The following NYAP2 variants were observed in gnomAD, a reference collection of about 807,000 sequenced individuals.
NYAP2 encodes neuronal tyrosine-phosphorylated phosphoinositide-3-kinase adaptor 2, also known as neuronal tyrosine-phosphorylated phosphoinositide-3-kinase adapter 2.
In NYAP2, 23 loss-of-function variants were observed where a neutral mutation model predicts 50.4. The observed-to-expected ratio is 0.46, with a 90% CI of 0.33 to 0.65. The LOEUF (loss-of-function observed/expected upper bound fraction) is 0.65. Ranked by LOEUF, NYAP2 falls within the 30% of genes least tolerant of loss-of-function variation. The pLI is 0.02. For missense variants in NYAP2, 885 were observed against 861.0 expected (o/e 1.03, Z -0.35); for synonymous variants, 394 against 365.2 (o/e 1.08, Z -0.90).
chr2:225,638,182 G>GTGTGTA (rs1457701020), intron 6 of NYAP2, among the ~76,000 whole-genome samples: 1 of 151,144 alleles, frequency 6.6e-6, no homozygotes, highest in Non-Finnish European at 1.5e-5. Context: ...GTGTGTGTGT[G>GTGTGTA]TGTGTGTGTG....
At chr2:225,616,953 T>C (rs1180062755) in intron 5 of NYAP2, among the ~76,000 whole-genome samples, 1 of 152,210 alleles carries the variant, frequency 6.6e-6, no homozygotes, top group East Asian at 1.9e-4. Context: ...TGTTCAGCAG[T>C]TGGAGTAGCA....
chr2:225,530,736 G>C (rs1691239699), intron 4 of NYAP2, among the ~76,000 whole-genome samples: 2 of 152,122 alleles, frequency 1.3e-5, no homozygotes, highest in Non-Finnish European at 2.9e-5. Context: ...ATATCACAGA[G>C]AGCCTTCAAA....
At chr2:225,590,312 G>A (rs1285570377) in intron 5 of NYAP2, among the ~76,000 whole-genome samples, 1 of 152,180 alleles carries the variant, frequency 6.6e-6, no homozygotes, top group East Asian at 1.9e-4. Flanking sequence ...ATTCTCCCAG[G>A]ATGTGACCTT....
At chr2:225,421,960 C>A (rs1364562151) in intron 3 of NYAP2, among the ~76,000 whole-genome samples, 2 of 151,884 alleles carry the variant, frequency 1.3e-5, no homozygotes, top group African/African-American at 4.8e-5. Flanking sequence ...TTGTTTTTTT[C>A]TTCTTCTTCT....
the NYAP2 span, among the ~76,000 whole-genome samples, chr2:225,690,450 C>T: frequency 6.6e-6 from 1 of 151,938 alleles, no homozygotes; most frequent in Admixed American, 6.6e-5. Context: ...GTAAAGTTGA[C>T]CCATACTTTC....
the NYAP2 span, among the ~76,000 whole-genome samples, chr2:225,686,134 T>C: frequency 0.33 from 50,238 of 151,984 alleles, 8,484 homozygotes; most frequent in East Asian, 0.42. Flanking sequence ...TCATTGTATG[T>C]CTGGTTATAG....
At chr2:225,416,223 A>T (rs965640939) in intron 3 of NYAP2, among the ~76,000 whole-genome samples, 2 of 152,200 alleles carry the variant, frequency 1.3e-5, no homozygotes, top group Non-Finnish European at 2.9e-5. Flanking sequence ...CCTCAAAGCT[A>T]AACAAGATAT....
At chr2:225,652,595 T>G (rs1181895325) in exon 7 of NYAP2, 1 of 152,208 alleles carries the variant, frequency 6.6e-6, no homozygotes, top group East Asian at 1.9e-4. Context: ...TGTTAAGTAT[T>G]ATAGGTGTTA....
At chr2:225,491,674 G>C (rs1055783038) in intron 3 of NYAP2, among the ~76,000 whole-genome samples, 3 of 152,126 alleles carry the variant, frequency 2.0e-5, no homozygotes, top group Non-Finnish European at 2.9e-5. Context: ...GGCTGGACTG[G>C]GGGTCTTTAC....
chr2:225,657,478 C>T (rs561445491), downstream of NYAP2, among the ~76,000 whole-genome samples: 5 of 151,694 alleles, frequency 3.3e-5, no homozygotes, highest in East Asian at 7.8e-4. Flanking sequence ...GGCTGCAAAG[C>T]TCCATCCTCA....
the NYAP2 span, among the ~76,000 whole-genome samples, chr2:225,686,672 G>A: frequency 2.2e-4 from 33 of 151,984 alleles, no homozygotes; most frequent in African/African-American, 7.7e-4. Flanking sequence ...ACCCATAGTG[G>A]GCAATGTATT....
the NYAP2 span, among the ~76,000 whole-genome samples, chr2:225,675,875 T>A: frequency 6.6e-6 from 1 of 152,198 alleles, no homozygotes; most frequent in African/African-American, 2.4e-5. Flanking sequence ...TGGTTTTGAC[T>A]TGCATTTCTC....
intron 4 of NYAP2, among the ~76,000 whole-genome samples, chr2:225,569,710 G>C (rs1692032266): frequency 6.6e-6 from 1 of 152,090 alleles, no homozygotes. Context: ...CCTCCTTATA[G>C]ATGAACAAAC....
chr2:225,662,048 T>G, the NYAP2 span, among the ~76,000 whole-genome samples: 1 of 152,218 alleles, frequency 6.6e-6, no homozygotes, highest in African/African-American at 2.4e-5. Flanking sequence ...ATTCTAAAAC[T>G]TATTTTCCTT....
At chr2:225,641,448 CACACACACACACACACACACAA>C (rs978239475) in intron 6 of NYAP2, among the ~76,000 whole-genome samples, 1 of 149,132 alleles carries the variant, frequency 6.7e-6, no homozygotes, top group African/African-American at 2.5e-5. Flanking sequence ...CACACACACA[CACACACACACACACACACACAA>C]ACACACACAC....
chr2:225,639,284 T>G (rs1693483209), intron 6 of NYAP2, among the ~76,000 whole-genome samples: 1 of 152,208 alleles, frequency 6.6e-6, no homozygotes, highest in Admixed American at 6.5e-5. Context: ...CTAAGGTTAT[T>G]GCAGATTATA....
At chr2:225,459,700 G>A (rs956814097) in intron 3 of NYAP2, among the ~76,000 whole-genome samples, 2 of 151,992 alleles carry the variant, frequency 1.3e-5, no homozygotes, top group South Asian at 4.1e-4. Flanking sequence ...CTGGAGTGCA[G>A]TGACGTGATC....
chr2:225,621,960 G>T (rs1412890292), intron 5 of NYAP2, among the ~76,000 whole-genome samples: 1 of 152,070 alleles, frequency 6.6e-6, no homozygotes, highest in African/African-American at 2.4e-5. Flanking sequence ...CACTTGGGTT[G>T]CTTCTGTCCT....
chr2:225,651,500 C>A (rs374775042), exon 7 of NYAP2: 2 of 1,613,832 alleles, frequency 1.2e-6, no homozygotes, highest in African/African-American at 2.7e-5. Context: ...ATCAGTCACT[C>A]CCCTCAGGCA....
Sources: allele counts gnomAD v4.1 joint callset (sites outside exome capture counted in the v4.1 genomes callset), GRCh38; gene constraint gnomAD v4.1.1; transcripts MANE v1.5; gene names NCBI Gene and HGNC (gene_info 2026-07-23, HGNC 2026-07-21).